The following TULP4 variants were observed in gnomAD, a reference collection of about 807,000 sequenced individuals.
TULP4 encodes tubby-related protein 4.
TULP4 carries 16 observed loss-of-function variants against 129.0 expected under a neutral mutation model. The observed-to-expected ratio is 0.12, with a 90% CI of 0.08 to 0.19. The LOEUF (loss-of-function observed/expected upper bound fraction) is 0.19, where lower values mean the gene tolerates loss of function less well. Among genes scored for constraint, TULP4 ranks in the 10% least tolerant of loss-of-function variants. The probability of loss-of-function intolerance (pLI) is 1.00; values close to 1 mark genes in which losing one functional copy is unlikely to be tolerated. For missense variants in TULP4, 1,842 were observed against 2,059.1 expected (o/e 0.89, Z 2.04); for synonymous variants, 998 against 854.0 (o/e 1.17, Z -2.94).
intron 1 of TULP4, among the ~76,000 whole-genome samples, chr6:158,396,652 G>A (rs1291358380): frequency 6.6e-6 from 1 of 152,088 alleles, no homozygotes; most frequent in Non-Finnish European, 1.5e-5. Context: ...AGTGTAAAAT[G>A]CATAAAAAGA....
At chr6:158,354,402 C>A (rs915893150) in intron 1 of TULP4, among the ~76,000 whole-genome samples, 1 of 152,216 alleles carries the variant, frequency 6.6e-6, no homozygotes, top group Non-Finnish European at 1.5e-5. Context: ...GTCGTACTCA[C>A]AGGCTGGCAT....
intron 3 of TULP4, among the ~76,000 whole-genome samples, chr6:158,444,185 A>G (rs1165941528): frequency 1.7e-5 from 2 of 118,120 alleles, no homozygotes; most frequent in Non-Finnish European, 3.2e-5. Flanking sequence ...GCACCACTGT[A>G]CTCCAGCCTG....
intron 1 of TULP4, among the ~76,000 whole-genome samples, chr6:158,349,081 C>T (rs1330669536): frequency 8.1e-6 from 1 of 123,954 alleles, no homozygotes; most frequent in African/African-American, 2.8e-5. Flanking sequence ...CAGAGGCGCT[C>T]CTCACTTCCC....
Position 158,453,485 on chromosome 6 carries a change from C to CAAAAAAAAAAAAA in TULP4, c.859+1229_859+1241dup, listed in dbSNP as rs869146924. Among the ~76,000 whole-genome samples the CAAAAAAAAAAAAA allele has an allele frequency of 2.7e-3, 49 of 17,982 alleles. 7 individuals are homozygous for CAAAAAAAAAAAAA. The highest frequency in any genetic ancestry group is 2.9e-3 in the Non-Finnish European group (29 of 10,154). 11.8% of individuals were successfully genotyped at this position (17,982 alleles called of 152,430 possible). A position where few individuals can be genotyped will look rare whatever the true frequency, so the allele number is the denominator to read the frequency against. ...GGTGACAGAGCGAGACTCTGTCTCA[C>CAAAAAAAAAAAAA]AAAAAAAAAAAAAAAAAAAAAAAAG... On this transcript the variant is annotated intron_variant, in intron 5 of 13. Coordinates refer to ENST00000367097, the MANE Select transcript of TULP4 (RefSeq NM_020245.5).
intron 1 of TULP4, among the ~76,000 whole-genome samples, chr6:158,373,650 A>G (rs943024168): frequency 5.3e-5 from 8 of 152,222 alleles, no homozygotes; most frequent in Non-Finnish European, 8.8e-5. Context: ...GACCTTAGGT[A>G]TCTGAAAGGC....
At chr6:158,504,349 A>ATTT (rs11435476) in intron 13 of TULP4, among the ~76,000 whole-genome samples, 171 bp downstream of exon 13, 1 of 146,884 alleles carries the variant, frequency 6.8e-6, no homozygotes. Flanking sequence ...GCTGTCTTGT[A>ATTT]TTTTTTTTTT....
chr6:158,428,446 C>T (rs1778553342), intron 2 of TULP4: 1 of 152,176 alleles, frequency 6.6e-6, no homozygotes, highest in African/African-American at 2.4e-5. Context: ...ATATAAAAGA[C>T]AATACCTCTA....
At chr6:158,249,566 A>G (rs1778098798) in intron 1 of TULP4, among the ~76,000 whole-genome samples, 2 of 152,226 alleles carry the variant, frequency 1.3e-5, no homozygotes, top group African/African-American at 4.8e-5. Context: ...CTAATGCATC[A>G]GTTCCCAGCC....
At chr6:158,408,546 C>T (rs567624120) in intron 1 of TULP4, among the ~76,000 whole-genome samples, 1 of 152,224 alleles carries the variant, frequency 6.6e-6, no homozygotes, top group Admixed American at 6.5e-5. Context: ...AGATACTCCT[C>T]ACAACTCCGT....
rs192353922 is a variant in TULP4, at chr6:158,252,567, G to T, written n.68+20264G>T. Among the ~76,000 whole-genome samples, 5 of 152,030 alleles carry T rather than the reference G, an allele frequency of 3.3e-5. No individual in the cohort carries two copies. The East Asian group carries it at 9.7e-4, about 29-fold the overall frequency. On this transcript the variant is annotated intron_variant and non_coding_transcript_variant, in intron 1 of 1. Coordinates refer to the TULP4 transcript ENST00000620026. ...CTTTTTGTATTTTCGGTAGAGACGA[G>T]GTTTCACCACGTTGGCCAGGATGGT... is the stretch of plus-strand genomic sequence containing the variant.
intron 1 of TULP4, among the ~76,000 whole-genome samples, chr6:158,410,970 C>G (rs952129302): frequency 1.3e-5 from 2 of 151,956 alleles, no homozygotes; most frequent in African/African-American, 4.8e-5. Flanking sequence ...CTAACAATGT[C>G]TGGTTTATCA....
chr6:158,388,308 A>G (rs1037407601), intron 1 of TULP4, among the ~76,000 whole-genome samples: 6 of 146,822 alleles, frequency 4.1e-5, no homozygotes, highest in Non-Finnish European at 9.0e-5. Context: ...AAGAAAAATA[A>G]TCTGCTCGTT....
At chr6:158,337,413 G>C (rs6924843) in intron 1 of TULP4, among the ~76,000 whole-genome samples, 130,948 of 152,066 alleles carry the variant, frequency 0.86, 56,812 homozygotes, top group South Asian at 0.93. Context: ...TTACAGGCAT[G>C]AGCCACCACT....
chr6:158,394,451 G>A (rs1276587741), intron 1 of TULP4, among the ~76,000 whole-genome samples: 6 of 151,974 alleles, frequency 3.9e-5, no homozygotes, highest in Non-Finnish European at 7.4e-5. Flanking sequence ...TCCTGGTACC[G>A]ATTTTCTGTA....
At position 158,501,151 on chromosome 6, in the gene TULP4, A is replaced by G. The variant is rs537415555; in HGVS notation, c.2015-527A>G. ...GAAGATTCTTTTCATTGTTTTTTCT[A>G]CCACATTTTACATGGTTCTATTTAC... On this transcript the variant is annotated intron_variant, in intron 12 of 13. Coordinates refer to ENST00000367097, the MANE Select transcript of TULP4 (RefSeq NM_020245.5). 2.0e-5 allele frequency among the ~76,000 whole-genome samples: 3 copies of G among 152,254 alleles called. No individual in the cohort carries two copies. The South Asian group carries it at 6.2e-4, about 32-fold the overall frequency.
chr6:158,306,547 A>G (rs1240748451), intron 1 of TULP4, among the ~76,000 whole-genome samples: 1 of 151,984 alleles, frequency 6.6e-6, no homozygotes, highest in Non-Finnish European at 1.5e-5. Flanking sequence ...TGAGAGTGAG[A>G]CTCCTTTTCA....
At chr6:158,425,954 T>A (rs1465827639) in intron 2 of TULP4, among the ~76,000 whole-genome samples, 1 of 152,204 alleles carries the variant, frequency 6.6e-6, no homozygotes, top group Non-Finnish European at 1.5e-5. Flanking sequence ...TCTCATTGTG[T>A]TTTTGATTTG....
chr6:158,274,726 G>A (rs938440792), intron 1 of TULP4, among the ~76,000 whole-genome samples: 6 of 151,928 alleles, frequency 3.9e-5, no homozygotes, highest in South Asian at 4.2e-4. Context: ...GCAGTGAGCC[G>A]AGATTGCGCC....
intron 1 of TULP4, among the ~76,000 whole-genome samples, chr6:158,239,181 G>A (rs1777794949): frequency 1.8e-5 from 2 of 110,240 alleles, no homozygotes; most frequent in African/African-American, 6.3e-5. Flanking sequence ...GCCGGGCGGG[G>A]GGCTGACCCC....
Sources: allele counts gnomAD v4.1 joint callset (sites outside exome capture counted in the v4.1 genomes callset), GRCh38; gene constraint gnomAD v4.1.1; transcripts MANE v1.5; gene names NCBI Gene and HGNC (gene_info 2026-07-23, HGNC 2026-07-21).